GLG1: variants seen among roughly 807,000 people sequenced by gnomAD.
The protein encoded by GLG1 is golgi glycoprotein 1, also known as Golgi apparatus protein 1.
Under a neutral mutation model 160.5 loss-of-function variants are expected in GLG1, and 38 were observed. That is an observed-to-expected ratio of 0.24 (90% CI 0.18 to 0.31). GLG1 has a LOEUF of 0.31. Ranked by LOEUF, GLG1 falls within the 10% of genes least tolerant of loss-of-function variation. GLG1 has a pLI of 1.00. For synonymous variants in GLG1, 644 were observed against 543.4 expected (o/e 1.19, Z -2.57); for missense variants, 1,373 against 1,505.2 (o/e 0.91, Z 1.45).
At chr16:74,514,109 G>A (rs6564132) in intron 2 of GLG1, among the ~76,000 whole-genome samples, 71,685 of 151,894 alleles carry the variant, frequency 0.47, 17,033 homozygotes, top group African/African-American at 0.53. Context: ...GAAAAGAAAC[G>A]AACAAAACCT....
intron 1 of GLG1, among the ~76,000 whole-genome samples, chr16:74,601,269 A>ACAG (rs1958432627): frequency 6.6e-6 from 1 of 152,096 alleles, no homozygotes; most frequent in South Asian, 2.1e-4. Context: ...TATAAGTTAG[A>ACAG]CAGCAGAGAT....
intron 3 of GLG1, among the ~76,000 whole-genome samples, chr16:74,506,407 T>C (rs1468158081): frequency 2.7e-5 from 4 of 149,768 alleles, no homozygotes; most frequent in East Asian, 2.0e-4. Context: ...TGAAACCCCA[T>C]CTCTACTAAA....
In GLG1 at chr16:74,477,636, T is replaced by C. The variant is rs968165508; in HGVS notation, c.1828-103A>G. 8.7e-6 allele frequency: 7 copies of C among 807,502 alleles called. No homozygotes were observed. The African/African-American group carries it at 1.2e-4, about 14-fold the overall frequency. 50.0% of individuals were successfully genotyped at this position (807,502 alleles called of 1,614,324 possible). On this transcript the variant is annotated intron_variant, in intron 11 of 25. Coordinates refer to ENST00000422840, the MANE Select transcript of GLG1 (RefSeq NM_001145667.2). ...AGGAAACTAACAAATAACCCTGTAT[T>C]TTATCTCCCAAATTTTATACCTCAA...
intron 2 of GLG1, among the ~76,000 whole-genome samples, chr16:74,516,030 T>C (rs1416851668): frequency 1.3e-5 from 2 of 151,522 alleles, no homozygotes; most frequent in African/African-American, 4.9e-5. Flanking sequence ...ATGCACCCAA[T>C]ACAGGAGCAC....
chr16:74,453,269 G>A lies in GLG1; in HGVS notation c.3438C>T (p.Tyr1146=), dbSNP rs779229842. 5.5e-5 allele frequency: 88 copies of A among 1,613,614 alleles called. No homozygotes were observed. The highest frequency in any genetic ancestry group is 7.0e-5 in the Non-Finnish European group (82 of 1,179,630). Residue 1146 remains tyrosine (Y), a synonymous_variant, in exon 26 of 26, where the codon TAC becomes TAT. Coordinates refer to ENST00000422840, the MANE Select transcript of GLG1 (RefSeq NM_001145667.2). ...TGCTCCCACTGATCACAGAGAGAAT[G>A]TAGTTCTTAGATGGAGACGTCATTA... The part of the protein sequence containing the change: ...MQVMTSPSKN[Y]ILSVISGSIC...
intron 1 of GLG1, among the ~76,000 whole-genome samples, chr16:74,553,743 G>C (rs2018275875): frequency 6.6e-6 from 1 of 152,102 alleles, no homozygotes; most frequent in Admixed American, 6.5e-5. Context: ...AAAGTGCTGG[G>C]ATTACAGGCT....
intron 1 of GLG1, among the ~76,000 whole-genome samples, chr16:74,600,686 T>C (rs1351226545): frequency 2.3e-5 from 3 of 133,172 alleles, no homozygotes; most frequent in African/African-American, 8.9e-5. Flanking sequence ...GAGCCAAGAA[T>C]ACGCCATTGC....
In GLG1 at chr16:74,477,723, C is replaced by G. The variant is rs185002133; in HGVS notation, c.1828-190G>C. 6.7e-3 allele frequency among the ~76,000 whole-genome samples: 1,024 copies of G among 152,198 alleles called. 3 individuals are homozygous for G. The highest frequency in any genetic ancestry group is 0.015 in the East Asian group (77 of 5,180). On this transcript the variant is annotated intron_variant, in intron 11 of 25. Coordinates refer to ENST00000422840, the MANE Select transcript of GLG1 (RefSeq NM_001145667.2). ...GTGCGGTGGCTCACGCATGTAATCC[C>G]AGCACTTTGGGAGGTCGAGGCGGGC...
chr16:74,489,650 A>G (rs1432830307), intron 8 of GLG1, among the ~76,000 whole-genome samples: 1 of 152,194 alleles, frequency 6.6e-6, no homozygotes, highest in Non-Finnish European at 1.5e-5. Context: ...CCCTAGAAAC[A>G]ACACTGTGGC....
At position 74,452,368 on chromosome 16, in the gene GLG1, A is replaced by G. The variant is rs1440685521; in HGVS notation, c.*799T>C. ...CCCGGGACTCAGGATCCAGCCTCTC[A>G]GTGCAGATGGATGGACTGTTCAACT... is the stretch of plus-strand genomic sequence containing the variant. On this transcript the variant is annotated 3_prime_UTR_variant, in exon 26 of 26. Transcript: ENST00000422840. 1.5e-6 allele frequency: 2 copies of G among 1,345,468 alleles called. No individual in the cohort carries two copies. The highest frequency in any genetic ancestry group is 6.2e-5 in the Admixed American group (2 of 32,374). The allele number at this position is 1,345,468 out of a possible 1,614,324, so 83.3% of individuals were successfully genotyped here.
rs1197575443 is a variant in GLG1, at chr16:74,606,895, G to C, written c.200C>G (p.Pro67Arg). 5.0e-6 allele frequency: 8 copies of C among 1,602,412 alleles called. No individual in the cohort carries two copies. The highest frequency in any genetic ancestry group is 6.8e-6 in the Non-Finnish European group (8 of 1,176,128). Residue 67 changes from proline (P) to arginine (R), a missense_variant, in exon 1 of 26, where the codon CCT becomes CGT. Pro to Arg is a moderately radical substitution (Grantham distance 103, BLOSUM62 -2). Coordinates refer to ENST00000422840, the MANE Select transcript of GLG1 (RefSeq NM_001145667.2). ...GPAGQQLPQL[P>R]QSSQLQQQQQ... ...TTGCTGCTGAAGCTGCGATGACTGA[G>C]GCAGCTGGGGCAGCTGCTGACCCGC...
intron 12 of GLG1, among the ~76,000 whole-genome samples, chr16:74,475,157 C>CAAAA (rs58639513): frequency 1.9e-4 from 10 of 52,854 alleles, no homozygotes; most frequent in African/African-American, 4.5e-4. Flanking sequence ...AACTCCGTCT[C>CAAAA]AAAAAAAAAA....
intron 11 of GLG1, among the ~76,000 whole-genome samples, chr16:74,479,051 C>CAAAAA (rs34125450): frequency 0.034 from 592 of 17,572 alleles, 172 homozygotes; most frequent in Non-Finnish European, 0.045. Context: ...ATTAAAAATC[C>CAAAAA]AAAAAAAAAA....
At chr16:74,485,647 A>T in intron 9 of GLG1, 149 bp downstream of exon 9, 1 of 661,730 alleles carries the variant, frequency 1.5e-6, no homozygotes, top group Non-Finnish European at 2.6e-6. Context: ...TTCCAATACT[A>T]GTTTTAATAA....
chr16:74,520,402 C>T (rs575931852), intron 2 of GLG1, among the ~76,000 whole-genome samples: 2 of 152,230 alleles, frequency 1.3e-5, no homozygotes, highest in South Asian at 2.1e-4. Flanking sequence ...TTTGGGAGGC[C>T]GAGGTGTGTG....
intron 3 of GLG1, among the ~76,000 whole-genome samples, chr16:74,506,385 T>A (rs1200372845): frequency 6.6e-6 from 1 of 151,380 alleles, no homozygotes; most frequent in Non-Finnish European, 1.5e-5. Flanking sequence ...GAGACCATCC[T>A]GGCTAACACA....
intron 3 of GLG1, among the ~76,000 whole-genome samples, chr16:74,506,591 A>AC (rs2016615164): frequency 3.4e-5 from 5 of 148,276 alleles, no homozygotes; most frequent in African/African-American, 1.2e-4. Context: ...CAAAAAAAAA[A>AC]AAAAAAAAAA....
At chr16:74,539,591 T>C (rs1179135831) in intron 1 of GLG1, among the ~76,000 whole-genome samples, 12 of 151,488 alleles carry the variant, frequency 7.9e-5, no homozygotes, top group Non-Finnish European at 1.6e-4. Context: ...ACAGGACTTT[T>C]AGCTTTGTCA....
intron 14 of GLG1, 50 bp from the exon 15 acceptor site, chr16:74,471,336 A>C: frequency 2.9e-6 from 3 of 1,046,902 alleles, no homozygotes; most frequent in South Asian, 2.5e-5. Context: ...ATTAATGAAC[A>C]AAACTTGTAG....
Sources: gnomAD v4.1 joint callset for allele counts (sites outside exome capture counted in the v4.1 genomes callset) on GRCh38, gnomAD v4.1.1 for gene constraint, MANE v1.5 for transcripts, NCBI Gene and HGNC (gene_info 2026-07-23, HGNC 2026-07-21) for gene names.